Variants in SEZ6L observed in about 807,000 individuals in gnomAD.
SEZ6L encodes the protein seizure 6-like protein.
SEZ6L carries 37 observed loss-of-function variants against 106.2 expected under a neutral mutation model. The ratio of observed to expected loss-of-function variants is 0.35; its 90% CI spans 0.27 to 0.46. The LOEUF (loss-of-function observed/expected upper bound fraction) is 0.46, where lower values mean the gene tolerates loss of function less well. Among genes scored for constraint, SEZ6L ranks in the 20% least tolerant of loss-of-function variants. SEZ6L has a pLI of 1.00. For missense variants in SEZ6L, 1,172 were observed against 1,332.8 expected (o/e 0.88, Z 1.88); for synonymous variants, 541 against 570.4 (o/e 0.95, Z 0.73).
At chr22:26,357,924 C>T (rs1165079457) in intron 12 of SEZ6L, among the ~76,000 whole-genome samples, 1 of 152,180 alleles carries the variant, frequency 6.6e-6, no homozygotes, top group African/African-American at 2.4e-5. Context: ...GAGTGGCTCT[C>T]CAGGAGCCAC....
chr22:26,377,852 T>C lies in SEZ6L; in HGVS notation c.3045+77T>C, dbSNP rs2084281693. On this transcript the variant is annotated intron_variant, in intron 16 of 16. Coordinates refer to ENST00000248933, the MANE Select transcript of SEZ6L (RefSeq NM_021115.5). Reference sequence around the variant, plus strand: ...TTCACCAACAATAAGACAAAACATTTCATTTCCTATTGCTCACAAGAGGCA... The same window carrying C: ...TTCACCAACAATAAGACAAAACATTCCATTTCCTATTGCTCACAAGAGGCA... 13 of 1,112,502 alleles carry C rather than the reference T, an allele frequency of 1.2e-5. No homozygotes were observed. The South Asian group carries it at 1.6e-4, about 14-fold the overall frequency. The allele number at this position is 1,112,502 out of a possible 1,614,324, so 68.9% of individuals were successfully genotyped here.
intron 11 of SEZ6L, among the ~76,000 whole-genome samples, chr22:26,348,672 AAG>A (rs1233589095): frequency 1.4e-5 from 1 of 70,576 alleles, no homozygotes; most frequent in Non-Finnish European, 2.8e-5. Flanking sequence ...GAAAGAAAGA[AAG>A]AAAGAAAGAA....
At chr22:26,239,511 C>A (rs565841352) in intron 1 of SEZ6L, among the ~76,000 whole-genome samples, 3 of 152,144 alleles carry the variant, frequency 2.0e-5, no homozygotes, top group African/African-American at 4.8e-5. Flanking sequence ...CTGCAACTAG[C>A]GAGAAGGAGA....
rs1282959842 is a variant in SEZ6L, at chr22:26,172,221, T to C, written c.94+2458T>C. 4.6e-5 allele frequency among the ~76,000 whole-genome samples: 7 copies of C among 152,250 alleles called. No individual in the cohort carries two copies. The East Asian group carries it at 1.4e-3, about 29-fold the overall frequency. On this transcript the variant is annotated intron_variant, in intron 1 of 16. Coordinates refer to ENST00000248933, the MANE Select transcript of SEZ6L (RefSeq NM_021115.5). ...TCAGTATTGCTCAATAAGGCTCAAA[T>C]TTGCTGCTTCCCCAGTCTCTAACGT... is the stretch of plus-strand genomic sequence containing the variant.
intron 9 of SEZ6L, among the ~76,000 whole-genome samples, chr22:26,334,966 C>A (rs2082600466): frequency 6.6e-6 from 1 of 152,212 alleles, no homozygotes; most frequent in Non-Finnish European, 1.5e-5. Flanking sequence ...TTTCCTAGCG[C>A]CTCCTTGGAT....
chr22:26,315,493 T>C (rs2081970929), intron 9 of SEZ6L, among the ~76,000 whole-genome samples: 1 of 150,624 alleles, frequency 6.6e-6, no homozygotes, highest in African/African-American at 2.4e-5. Flanking sequence ...AAAAAAGAAG[T>C]GTCCCCAGAG....
At position 26,241,592 on chromosome 22, in the gene SEZ6L, C is replaced by T. The variant is rs370311837; in HGVS notation, c.95-50814C>T. Among the ~76,000 whole-genome samples the T allele has an allele frequency of 5.3e-5, 8 of 152,120 alleles. No homozygotes were observed. In the East Asian group the frequency reaches 5.8e-4, roughly 11 times the overall value. ...TTACACGGCGAGTTTTGCTCATTAGCGGGAAATTGACACAGAGGCAATCCT... is the reference window on the plus strand; with the variant it reads ...TTACACGGCGAGTTTTGCTCATTAGTGGGAAATTGACACAGAGGCAATCCT... On this transcript the variant is annotated intron_variant, in intron 1 of 16. Transcript: ENST00000248933.
intron 1 of SEZ6L, among the ~76,000 whole-genome samples, chr22:26,268,264 T>A (rs2080251963): frequency 6.6e-6 from 1 of 152,210 alleles, no homozygotes. Flanking sequence ...TCTCTCTTTC[T>A]GAAGGAGATC....
At chr22:26,207,233 A>T (rs1941317321) in intron 1 of SEZ6L, among the ~76,000 whole-genome samples, 1 of 152,206 alleles carries the variant, frequency 6.6e-6, no homozygotes, top group South Asian at 2.1e-4. Context: ...ACAGTATTCC[A>T]TTCATCTTGC....
Position 26,293,142 on chromosome 22 carries a change from A to C in SEZ6L, c.831A>C (p.Ala277=), listed in dbSNP as rs1480736264. The C allele has an allele frequency of 3.3e-6, 5 of 1,531,832 alleles. No individual in the cohort carries two copies. In the East Asian group the frequency reaches 9.6e-5, roughly 29 times the overall value. 94.9% of individuals were successfully genotyped at this position (1,531,832 alleles called of 1,614,324 possible). A position where few individuals can be genotyped will look rare whatever the true frequency, so the allele number is the denominator to read the frequency against. ...ITTTVITTEQ[A]PALCSVSFSN... ...CCACGGTCATCACCACCGAGCAGGC[A>C]CCAGGTATGCAGCCCCCAACTCCTG... Residue 277 remains alanine, a synonymous_variant, in exon 2 of 17, where the codon GCA becomes GCC. Coordinates refer to ENST00000248933, the MANE Select transcript of SEZ6L (RefSeq NM_021115.5).
chr22:26,370,700 A>G (rs139509242), intron 13 of SEZ6L, among the ~76,000 whole-genome samples: 8 of 151,868 alleles, frequency 5.3e-5, no homozygotes, highest in Non-Finnish European at 1.2e-4. Flanking sequence ...TTTTACAGAA[A>G]AAAAAAAAGA....
intron 4 of SEZ6L, among the ~76,000 whole-genome samples, chr22:26,297,421 A>G (rs2081332755): frequency 1.3e-5 from 2 of 152,224 alleles, no homozygotes; most frequent in South Asian, 2.1e-4. Context: ...GATATCCATT[A>G]TGATATGAAA....
chr22:26,330,644 G>A (rs575004132), intron 9 of SEZ6L, among the ~76,000 whole-genome samples: 1 of 152,284 alleles, frequency 6.6e-6, no homozygotes, highest in Admixed American at 6.5e-5. Context: ...GGACTTCCTG[G>A]GAGGTCAGGC....
intron 1 of SEZ6L, among the ~76,000 whole-genome samples, chr22:26,251,489 G>T (rs2079583303): frequency 6.6e-6 from 1 of 152,202 alleles, no homozygotes; most frequent in Non-Finnish European, 1.5e-5. Flanking sequence ...ATCAGCAAGT[G>T]CTGCATGTCC....
intron 8 of SEZ6L, 40 bp downstream of exon 8, chr22:26,312,002 G>T (rs1174555990): frequency 2.5e-6 from 4 of 1,589,016 alleles, no homozygotes; most frequent in Non-Finnish European, 3.4e-6. Flanking sequence ...GCACCCCAGG[G>T]ATCTCCACCC....
intron 1 of SEZ6L, among the ~76,000 whole-genome samples, chr22:26,260,222 T>A (rs1195733406): frequency 6.6e-6 from 1 of 152,160 alleles, no homozygotes; most frequent in Non-Finnish European, 1.5e-5. Flanking sequence ...TTTGTGAGAT[T>A]TTGGTGCACC....
chr22:26,240,092 TCACACACACACACACA>T (rs1556193806), intron 1 of SEZ6L, among the ~76,000 whole-genome samples: 2 of 116,138 alleles, frequency 1.7e-5, no homozygotes, highest in African/African-American at 7.6e-5. Flanking sequence ...ACACACACAC[TCACACACACACACACA>T]CACACACACA....
chr22:26,327,060 C>T (rs2082327962), intron 9 of SEZ6L, among the ~76,000 whole-genome samples: 1 of 152,114 alleles, frequency 6.6e-6, no homozygotes, highest in Non-Finnish European at 1.5e-5. Flanking sequence ...AGAATATGTG[C>T]ACGATGCGGA....
chr22:26,186,380 C>G (rs1317922960), intron 1 of SEZ6L, among the ~76,000 whole-genome samples: 1 of 152,168 alleles, frequency 6.6e-6, no homozygotes, highest in Non-Finnish European at 1.5e-5. Context: ...AAACTTTATT[C>G]AGGACCACCA....
Sources: allele counts gnomAD v4.1 joint callset (sites outside exome capture counted in the v4.1 genomes callset), GRCh38; gene constraint gnomAD v4.1.1; transcripts MANE v1.5; gene names NCBI Gene and HGNC (gene_info 2026-07-23, HGNC 2026-07-21).